Variants in RIT2 observed in about 807,000 individuals in gnomAD.
RIT2 encodes GTP-binding protein Rit2.
A neutral mutation model predicts 23.7 loss-of-function variants in RIT2; 24 were observed. The ratio of observed to expected loss-of-function variants is 1.01; its 90% confidence interval spans 0.73 to 1.43. RIT2 has a LOEUF of 1.43. Ranked by LOEUF, RIT2 falls within the 40% of genes most tolerant of loss-of-function variation. The probability of loss-of-function intolerance (pLI) is 0.00; values close to 1 mark genes in which losing one functional copy is unlikely to be tolerated. For missense variants in RIT2, 236 were observed against 266.9 expected (o/e 0.88, Z 0.81); for synonymous variants, 107 against 91.1 (o/e 1.17, Z -0.99).
intron 4 of RIT2, chr18:42,920,580 G>A (rs902632968): frequency 3.7e-5 from 24 of 651,292 alleles, no homozygotes; most frequent in African/African-American, 3.6e-4. Flanking sequence ...GGTGAATAAT[G>A]ATAAACACAT....
intron 4 of RIT2, among the ~76,000 whole-genome samples, chr18:42,849,202 CT>C (rs1054444221): frequency 5.3e-5 from 8 of 152,118 alleles, no homozygotes; most frequent in African/African-American, 1.7e-4. Flanking sequence ...TATATACTGC[CT>C]TTGAATATGA....
At chr18:43,021,705 C>T (rs1911601709) in intron 2 of RIT2, among the ~76,000 whole-genome samples, 1 of 152,064 alleles carries the variant, frequency 6.6e-6, no homozygotes, top group South Asian at 2.1e-4. Context: ...GCCTTCTTCC[C>T]CTTTGCCTTC....
chr18:43,051,256 T>C (rs1912375531), intron 1 of RIT2, among the ~76,000 whole-genome samples: 1 of 152,138 alleles, frequency 6.6e-6, no homozygotes, highest in Admixed American at 6.6e-5. Context: ...TGATTGCTGT[T>C]GTGGTAGCAT....
intron 2 of RIT2, among the ~76,000 whole-genome samples, chr18:42,995,192 T>C (rs1451271005): frequency 3.3e-5 from 5 of 152,296 alleles, no homozygotes; most frequent in Non-Finnish European, 7.4e-5. Flanking sequence ...TCATTTCCTT[T>C]CCATCTTGGA....
intron 4 of RIT2, among the ~76,000 whole-genome samples, chr18:42,846,917 A>T (rs1906924539): frequency 6.6e-6 from 1 of 152,150 alleles, no homozygotes; most frequent in South Asian, 2.1e-4. Flanking sequence ...CCAGAGTGTT[A>T]GAACACTTGG....
At chr18:42,825,433 T>A (rs1211976665) in intron 4 of RIT2, among the ~76,000 whole-genome samples, 1 of 151,798 alleles carries the variant, frequency 6.6e-6, no homozygotes, top group East Asian at 1.9e-4. Flanking sequence ...CTAGGACCTA[T>A]AAAAATTTTT....
intron 1 of RIT2, among the ~76,000 whole-genome samples, chr18:43,036,160 A>T (rs943848160): frequency 6.6e-6 from 1 of 152,224 alleles, no homozygotes; most frequent in African/African-American, 2.4e-5. Flanking sequence ...AAATAATAGA[A>T]ATATTTGGAT....
chr18:42,890,569 A>AAGAG, intron 4 of RIT2, among the ~76,000 whole-genome samples: 1 of 150,678 alleles, frequency 6.6e-6, no homozygotes, highest in South Asian at 2.1e-4. Flanking sequence ...AGGAGGGAAG[A>AAGAG]AGAGAGAGAG....
chr18:43,087,423 T>C (rs952187407), intron 1 of RIT2, among the ~76,000 whole-genome samples: 2 of 152,128 alleles, frequency 1.3e-5, no homozygotes, highest in African/African-American at 2.4e-5. Context: ...ATCTTCAAGA[T>C]AATAGATAAT....
chr18:43,007,432 A>T (rs1031886425), intron 2 of RIT2, among the ~76,000 whole-genome samples: 1 of 151,726 alleles, frequency 6.6e-6, no homozygotes, highest in African/African-American at 2.4e-5. Context: ...AGTAGCAATG[A>T]CTATGCCTAG....
At chr18:42,800,981 A>G (rs1232168228) in intron 4 of RIT2, among the ~76,000 whole-genome samples, 1 of 152,108 alleles carries the variant, frequency 6.6e-6, no homozygotes, top group Non-Finnish European at 1.5e-5. Context: ...CTTCTCCCGT[A>G]GGTTTCCGTA....
chr18:42,819,282 T>G (rs1217539068), intron 4 of RIT2, among the ~76,000 whole-genome samples: 4 of 152,068 alleles, frequency 2.6e-5, no homozygotes, highest in African/African-American at 4.8e-5. Context: ...GTCCTTGCAT[T>G]TCTATCCTAA....
chr18:42,906,447 T>C (rs1046528795), intron 4 of RIT2, among the ~76,000 whole-genome samples: 1 of 152,172 alleles, frequency 6.6e-6, no homozygotes, highest in Non-Finnish European at 1.5e-5. Context: ...ATGTTCCCTT[T>C]GATTACAATA....
At chr18:43,093,351 G>A (rs1314703421) in intron 1 of RIT2, among the ~76,000 whole-genome samples, 4 of 152,014 alleles carry the variant, frequency 2.6e-5, no homozygotes, top group Non-Finnish European at 5.9e-5. Context: ...CTAACAGCTA[G>A]TTTTCATTGA....
At chr18:42,934,023 G>GAA (rs1353787470) in intron 3 of RIT2, among the ~76,000 whole-genome samples, 5 of 33,622 alleles carry the variant, frequency 1.5e-4, no homozygotes, top group Admixed American at 2.8e-4. Flanking sequence ...TCTCACAGAA[G>GAA]AAAAAAAAAA....
chr18:42,795,288 G>A (rs1474423171), intron 4 of RIT2, among the ~76,000 whole-genome samples: 1 of 152,246 alleles, frequency 6.6e-6, no homozygotes, highest in African/African-American at 2.4e-5. Flanking sequence ...TGCAGTGCTT[G>A]CGGGCCAGCT....
Position 42,822,594 on chromosome 18 carries a change from T to C in RIT2, c.427-78874A>G, listed in dbSNP as rs545184723. Reference sequence around the variant, plus strand: ...GGTTGAAAGCACACTAAATGGAGTGTCAAGAGACCTGCACCATACCTCCAG... The same window carrying C: ...GGTTGAAAGCACACTAAATGGAGTGCCAAGAGACCTGCACCATACCTCCAG... On this transcript the variant is annotated intron_variant, in intron 4 of 4. Coordinates refer to ENST00000326695, the MANE Select transcript of RIT2 (RefSeq NM_002930.4). 3.3e-5 allele frequency among the ~76,000 whole-genome samples: 5 copies of C among 152,220 alleles called. No individual in the cohort carries two copies. The South Asian group carries it at 1.0e-3, about 32-fold the overall frequency.
At chr18:42,881,053 G>C (rs536482686) in intron 4 of RIT2, among the ~76,000 whole-genome samples, 29 of 151,996 alleles carry the variant, frequency 1.9e-4, no homozygotes, top group African/African-American at 7.0e-4. Flanking sequence ...TGATCCACCC[G>C]CCTCGGCCTC....
intron 4 of RIT2, among the ~76,000 whole-genome samples, chr18:42,859,429 G>A (rs904682959): frequency 6.6e-6 from 1 of 152,160 alleles, no homozygotes; most frequent in African/African-American, 2.4e-5. Flanking sequence ...AGTTGTAAGT[G>A]TTCTTTGTGT....
Sources: gnomAD v4.1 joint callset for allele counts (sites outside exome capture counted in the v4.1 genomes callset) on GRCh38, gnomAD v4.1.1 for gene constraint, MANE v1.5 for transcripts, NCBI Gene and HGNC (gene_info 2026-07-23, HGNC 2026-07-21) for gene names.